Variants in FILIP1L observed in about 807,000 individuals in gnomAD.
FILIP1L encodes the protein filamin A interacting protein 1 like.
In FILIP1L, 55 loss-of-function variants were observed where a neutral mutation model predicts 96.6. The ratio of observed to expected loss-of-function variants is 0.57; its 90% confidence interval spans 0.46 to 0.71. The LOEUF is 0.71. Ranked by LOEUF, FILIP1L falls within the 30% of genes least tolerant of loss-of-function variation. The pLI is 0.00. For synonymous variants in FILIP1L, 467 were observed against 473.9 expected, an observed-to-expected ratio of 0.99 and a Z score of 0.19; for missense variants, 1,304 against 1,321.2, an observed-to-expected ratio of 0.99 and a Z score of 0.20.
intron 4 of FILIP1L, 73 bp from the exon 5 acceptor site, chr3:99,851,143 T>C: frequency 8.3e-7 from 1 of 1,199,064 alleles, no homozygotes; most frequent in Non-Finnish European, 1.1e-6. Flanking sequence ...TAAATATATA[T>C]GTAATTTAGA....
rs576148205 is a variant in FILIP1L, at chr3:99,866,758, T to C, written c.606-15688A>G. ...CTAGTTCCTGAGGATGATTGGTTTA[T>C]ATCTTTTCCATGATTTTTGCAAAGT... On this transcript the variant is annotated intron_variant, in intron 4 of 5. Coordinates refer to ENST00000477258, the MANE Select transcript of FILIP1L (RefSeq NM_001387850.1). Among the ~76,000 whole-genome samples the C allele has an allele frequency of 2.6e-5, 4 of 152,338 alleles. No individual in the cohort carries two copies. In the East Asian group the frequency reaches 7.7e-4, roughly 29 times the overall value.
intron 4 of FILIP1L, among the ~76,000 whole-genome samples, chr3:99,858,536 CAT>C (rs1222663330): frequency 2.6e-5 from 4 of 152,140 alleles, no homozygotes; most frequent in South Asian, 2.1e-4. Context: ...TGCTAAATAA[CAT>C]ATTTTTATGA....
Position 100,062,093 on chromosome 3 carries a change from C to CTTTTTTTTTTTTTTTTTT in FILIP1L, c.-11+51942_-11+51959dup, listed in dbSNP as rs71907944. Among the ~76,000 whole-genome samples the CTTTTTTTTTTTTTTTTTT allele has an allele frequency of 5.6e-4, 30 of 53,180 alleles. 8 individuals carry two copies. Among genetic ancestry groups the CTTTTTTTTTTTTTTTTTT allele is most frequent in the African/African-American group, 1.4e-3 (16 of 11,244 alleles). The allele number at this position is 53,180 out of a possible 152,430, so 34.9% of individuals were successfully genotyped here. A position where few individuals can be genotyped will look rare whatever the true frequency, so the allele number is the denominator to read the frequency against. On this transcript the variant is annotated intron_variant, in intron 1 of 5. Transcript: ENST00000477258. ...CCACTTGTGGTTATCCTGTCTTCTT[C>CTTTTTTTTTTTTTTTTTT]TTTTTTTTTTTTTTTTTTTTTTTTT...
intron 4 of FILIP1L, among the ~76,000 whole-genome samples, chr3:99,915,570 A>G (rs996773752): frequency 6.6e-6 from 1 of 152,102 alleles, no homozygotes; most frequent in Non-Finnish European, 1.5e-5. Context: ...CACCAAACTA[A>G]CATTTCTGTT....
intron 4 of FILIP1L, among the ~76,000 whole-genome samples, chr3:99,920,637 A>C (rs1364501538): frequency 6.6e-6 from 1 of 152,228 alleles, no homozygotes; most frequent in Non-Finnish European, 1.5e-5. Context: ...GCCTGGGAAC[A>C]GGCTTTCCTG....
intron 4 of FILIP1L, among the ~76,000 whole-genome samples, chr3:99,863,158 C>T (rs1944344255): frequency 6.6e-6 from 1 of 152,120 alleles, no homozygotes; most frequent in South Asian, 2.1e-4. Flanking sequence ...ATGAAACTGT[C>T]CCACTCGGAT....
At chr3:99,867,518 A>G (rs1475504162) in intron 4 of FILIP1L, among the ~76,000 whole-genome samples, 1 of 152,204 alleles carries the variant, frequency 6.6e-6, no homozygotes, top group African/African-American at 2.4e-5. Flanking sequence ...CAGGTATTAA[A>G]CAATTGAAAA....
At chr3:99,986,111 T>C (rs1249046180) in intron 1 of FILIP1L, among the ~76,000 whole-genome samples, 1 of 152,216 alleles carries the variant, frequency 6.6e-6, no homozygotes, top group Non-Finnish European at 1.5e-5. Flanking sequence ...TTTTCATTGT[T>C]ATAAGAGGAA....
intron 1 of FILIP1L, among the ~76,000 whole-genome samples, chr3:99,951,684 C>G (rs1371716292): frequency 1.3e-5 from 2 of 152,202 alleles, no homozygotes; most frequent in Non-Finnish European, 2.9e-5. Context: ...CACCTTATGT[C>G]TCTTCCCTAA....
At chr3:99,967,488 G>A (rs1394076801) in intron 1 of FILIP1L, among the ~76,000 whole-genome samples, 1 of 152,156 alleles carries the variant, frequency 6.6e-6, no homozygotes, top group African/African-American at 2.4e-5. Context: ...GATCCAGTGG[G>A]TCAACTGAAT....
chr3:100,102,257 T>C (rs930432679), intron 1 of FILIP1L, among the ~76,000 whole-genome samples: 22 of 152,192 alleles, frequency 1.4e-4, no homozygotes, highest in African/African-American at 5.3e-4. Flanking sequence ...AGTGTTCCTA[T>C]TTCTCCACAT....
At chr3:99,906,029 C>T (rs892970163) in intron 4 of FILIP1L, among the ~76,000 whole-genome samples, 2 of 152,082 alleles carry the variant, frequency 1.3e-5, no homozygotes, top group Middle Eastern at 3.2e-3. Flanking sequence ...CCTGTCTCTA[C>T]AAAAAATACA....
At chr3:99,871,558 G>A (rs1288898044) in intron 4 of FILIP1L, among the ~76,000 whole-genome samples, 1 of 152,172 alleles carries the variant, frequency 6.6e-6, no homozygotes, top group Non-Finnish European at 1.5e-5. Context: ...AAATAAAGCA[G>A]GGTAAGTACC....
chr3:99,937,777 C>T (rs1559695953), intron 1 of FILIP1L, among the ~76,000 whole-genome samples: 1 of 152,210 alleles, frequency 6.6e-6, no homozygotes, highest in Admixed American at 6.5e-5. Context: ...TTGCAAACCA[C>T]TGGCTAGAAA....
At chr3:99,929,613 G>A (rs1238349568) in intron 3 of FILIP1L, among the ~76,000 whole-genome samples, 2 of 151,982 alleles carry the variant, frequency 1.3e-5, no homozygotes, top group Admixed American at 6.6e-5. Flanking sequence ...AGAGTGGGGA[G>A]CATTCTCTGG....
At position 100,114,060 on chromosome 3, in the gene FILIP1L, G is replaced by C. The variant is rs1015234612; in HGVS notation, c.-18C>G. 1.3e-5 allele frequency: 2 copies of C among 151,912 alleles called. No homozygotes were observed. The highest frequency in any genetic ancestry group is 4.8e-5 in the African/African-American group (2 of 41,242). The allele number at this position is 151,912 out of a possible 1,614,324, so 9.4% of individuals were successfully genotyped here. On this transcript the variant is annotated 5_prime_UTR_variant, in exon 1 of 6. Transcript: ENST00000477258. ...TGGGGACACTTAGCTTACCGTGCAG[G>C]TACCGTGCAGGTGTTGATCACACCT... is the stretch of plus-strand genomic sequence containing the variant.
At chr3:99,964,230 A>C (rs138115384) in intron 1 of FILIP1L, 1 of 152,332 alleles carries the variant, frequency 6.6e-6, no homozygotes, top group African/African-American at 2.4e-5. Context: ...TTTATTTATC[A>C]ATATTTATCT....
At chr3:99,846,098 T>C (rs899517733) in intron 5 of FILIP1L, among the ~76,000 whole-genome samples, 1 of 152,332 alleles carries the variant, frequency 6.6e-6, no homozygotes, top group East Asian at 1.9e-4. Flanking sequence ...TAGCCCAAAT[T>C]TGGCTCCCAA....
At chr3:100,040,537 A>G (rs1347896561) in intron 1 of FILIP1L, 2 of 152,318 alleles carry the variant, frequency 1.3e-5, no homozygotes, top group South Asian at 2.1e-4. Flanking sequence ...ACTTCTCTGC[A>G]TCTGCTTTTT....
Sources: gnomAD v4.1 joint callset for allele counts (sites outside exome capture counted in the v4.1 genomes callset) on GRCh38, gnomAD v4.1.1 for gene constraint, MANE v1.5 for transcripts, NCBI Gene and HGNC (gene_info 2026-07-23, HGNC 2026-07-21) for gene names.